TEX11: variants seen among roughly 807,000 people sequenced by gnomAD.
The protein encoded by TEX11 is testis expressed 11, also known as testis-expressed protein 11.
Under a neutral mutation model 84.4 loss-of-function variants are expected in TEX11, and 7 were observed. The observed-to-expected ratio is 0.08, with a 90% CI of 0.05 to 0.16. The LOEUF (loss-of-function observed/expected upper bound fraction) is 0.16, where lower values mean the gene tolerates loss of function less well. TEX11 is among the 10% of genes least tolerant of loss of function. The pLI, the probability that TEX11 is intolerant of heterozygous loss-of-function variation, is 1.00. For synonymous variants in TEX11, 264 were observed against 222.8 expected (o/e 1.18, Z -1.64); for missense variants, 551 against 660.5 (o/e 0.83, Z 1.82).
intron 11 of TEX11, among the ~76,000 whole-genome samples, chrX:70,737,691 C>T (rs1160731569): frequency 9.2e-6 from 1 of 108,359 alleles, no homozygotes; most frequent in Non-Finnish European, 1.9e-5. Flanking sequence ...ATACCCCCCC[C>T]CCAAAAAAAG....
the TEX11 span, among the ~76,000 whole-genome samples, chrX:70,517,371 T>G: frequency 2.7e-5 from 3 of 112,026 alleles, no homozygotes; most frequent in Admixed American, 1.9e-4. Flanking sequence ...CTGCATCTAT[T>G]GAGATAATCA....
intron 5 of TEX11, among the ~76,000 whole-genome samples, chrX:70,858,444 GAA>G (rs112685365): frequency 4.5e-4 from 33 of 72,536 alleles, no homozygotes; most frequent in Admixed American, 1.3e-3. Context: ...TCCATCTCAA[GAA>G]AAAAAAAAAA....
chrX:70,707,499 C>T (rs1200836998), intron 13 of TEX11, among the ~76,000 whole-genome samples: 2 of 110,742 alleles, frequency 1.8e-5, no homozygotes, highest in Non-Finnish European at 3.8e-5. Context: ...ATTTCTAAGA[C>T]CCCACCTCCT....
At chrX:70,853,398 G>T in intron 5 of TEX11, 70 bp from the exon 6 acceptor site, 1 of 724,925 alleles carries the variant, frequency 1.4e-6, no homozygotes, top group Non-Finnish European at 2.1e-6. Context: ...GGGAATATTG[G>T]AGAAAATATT....
At chrX:70,764,474 A>G (rs2090927532) in intron 9 of TEX11, among the ~76,000 whole-genome samples, 2 of 111,997 alleles carry the variant, frequency 1.8e-5, no homozygotes, top group South Asian at 7.3e-4. Flanking sequence ...GAAATAATAC[A>G]GGTCAGAGCA....
At chrX:70,718,836 A>T (rs2090530780) in intron 13 of TEX11, among the ~76,000 whole-genome samples, 1 of 111,704 alleles carries the variant, frequency 9.0e-6, no homozygotes, top group African/African-American at 3.3e-5. Flanking sequence ...ACCTTAGCTG[A>T]GGACAATTTG....
intron 13 of TEX11, among the ~76,000 whole-genome samples, chrX:70,697,048 CT>C (rs1313626308): frequency 9.0e-6 from 1 of 111,614 alleles, no homozygotes; most frequent in Non-Finnish European, 1.9e-5. Flanking sequence ...CTAGAGGCCA[CT>C]TGTATTCCTT....
intron 9 of TEX11, among the ~76,000 whole-genome samples, chrX:70,748,547 G>A (rs1216005167): frequency 1.8e-5 from 2 of 110,872 alleles, no homozygotes; most frequent in Non-Finnish European, 1.9e-5. Flanking sequence ...GGTTTTTATG[G>A]TTTTAGGTCT....
intron 14 of TEX11, among the ~76,000 whole-genome samples, chrX:70,680,699 A>ATGAAATTTTAGTAG (rs2090141621): frequency 3.6e-5 from 4 of 111,939 alleles, no homozygotes. Flanking sequence ...GGTTTTCATC[A>ATGAAATTTTAGTAG]TCAATTTTAG....
chrX:70,565,466 G>A (rs1320085965), intron 25 of TEX11, among the ~76,000 whole-genome samples: 2 of 109,904 alleles, frequency 1.8e-5, no homozygotes, highest in Non-Finnish European at 3.8e-5. Flanking sequence ...TTTTAGACAT[G>A]AAGTCCTTGC....
intron 16 of TEX11, among the ~76,000 whole-genome samples, chrX:70,653,391 C>T (rs775162062): frequency 2.8e-4 from 31 of 111,970 alleles, no homozygotes; most frequent in Non-Finnish European, 4.9e-4. Flanking sequence ...CCTGAAGAAA[C>T]ACTTCACTAA....
At chrX:70,618,968 G>A (rs1202833823) in intron 20 of TEX11, among the ~76,000 whole-genome samples, 3 of 111,166 alleles carry the variant, frequency 2.7e-5, no homozygotes, top group African/African-American at 9.8e-5. Flanking sequence ...ATGGGGGGTG[G>A]GGCTAAGGAA....
chrX:70,673,387 C>G (rs1260048572), intron 15 of TEX11: 1 of 111,481 alleles, frequency 9.0e-6, no homozygotes, highest in Non-Finnish European at 1.9e-5. Context: ...CCTCTCAAAG[C>G]ACTGGGATTA....
At chrX:70,782,153 C>T (rs112847745) in intron 9 of TEX11, among the ~76,000 whole-genome samples, 14,149 of 111,441 alleles carry the variant, frequency 0.13, 777 homozygotes, top group Middle Eastern at 0.26. Flanking sequence ...AAGAGAATGG[C>T]GGCCAATATT....
At chrX:70,813,438 G>A (rs2091268882) in intron 8 of TEX11, among the ~76,000 whole-genome samples, 1 of 111,587 alleles carries the variant, frequency 9.0e-6, no homozygotes. Flanking sequence ...AGGTATTGAT[G>A]GGATGTATCT....
At chrX:70,813,510 C>T (rs1296529241) in intron 8 of TEX11, among the ~76,000 whole-genome samples, 2 of 111,526 alleles carry the variant, frequency 1.8e-5, no homozygotes, top group East Asian at 5.6e-4. Context: ...TGGGCAAACA[C>T]TGGAAGCATT....
chrX:70,520,178 C>G, the TEX11 span, among the ~76,000 whole-genome samples: 1 of 111,835 alleles, frequency 8.9e-6, no homozygotes, highest in South Asian at 3.8e-4. Flanking sequence ...GAGCTGTGAC[C>G]CTTTGGAGGA....
chrX:70,817,254 T>TACAC (rs57325193), intron 8 of TEX11, among the ~76,000 whole-genome samples: 13 of 82,389 alleles, frequency 1.6e-4, no homozygotes, highest in East Asian at 3.6e-4. Flanking sequence ...CATATATATA[T>TACAC]ACACACACAC....
chrX:70,542,189 G>GCCTCTT (rs1381675370), intron 28 of TEX11, among the ~76,000 whole-genome samples: 1 of 110,731 alleles, frequency 9.0e-6, no homozygotes, highest in African/African-American at 3.3e-5. Context: ...GGTCATAAGA[G>GCCTCTT]GAGTGCTCTC....
Sources: gnomAD v4.1 joint callset for allele counts (sites outside exome capture counted in the v4.1 genomes callset) on GRCh38, gnomAD v4.1.1 for gene constraint, MANE v1.5 for transcripts, NCBI Gene and HGNC (gene_info 2026-07-23, HGNC 2026-07-21) for gene names.